Variants in KCNK12 observed in about 807,000 individuals in gnomAD.
KCNK12 encodes potassium two pore domain channel subfamily K member 12.
A neutral mutation model predicts 25.3 loss-of-function variants in KCNK12; 6 were observed. The observed-to-expected ratio is 0.24, with a 90% CI of 0.13 to 0.47. The LOEUF (loss-of-function observed/expected upper bound fraction) is 0.47. KCNK12 is among the 20% of genes least tolerant of loss of function. The pLI is 0.99. For missense variants in KCNK12, 444 were observed against 661.7 expected (o/e 0.67, Z 3.61); for synonymous variants, 331 against 311.1 (o/e 1.06, Z -0.67).
intron 1 of KCNK12, chr2:47,535,211 C>T (rs111869582): frequency 0.01 from 2,347 of 233,050 alleles, 54 homozygotes; most frequent in African/African-American, 0.048. Context: ...GCAAACAAAC[C>T]CACACCTTTC....
chr2:47,564,304 A>G, intron 1 of KCNK12: 1 of 229,982 alleles, frequency 4.3e-6, no homozygotes, highest in East Asian at 6.2e-5. Flanking sequence ...AAGCACCATG[A>G]AGACAGCAGT....
intron 1 of KCNK12, among the ~76,000 whole-genome samples, chr2:47,559,967 T>A (rs1669630253): frequency 6.6e-6 from 1 of 152,048 alleles, no homozygotes; most frequent in Admixed American, 6.6e-5. Context: ...AAGTTAAGGG[T>A]GGCTAGAGAA....
chr2:47,556,180 T>C lies in KCNK12; in HGVS notation c.391+13761A>G, dbSNP rs185476077. ...ATTAAGAAGGAAGAATATACATGTT[T>C]GCATACCGATGGAGTATAAATTAAC... On this transcript the variant is annotated intron_variant, in intron 1 of 1. Transcript: ENST00000327876. The surrounding 1 kb of genome is among the most constrained non-coding windows in gnomAD (Gnocchi z 4.8). 1.4e-4 allele frequency among the ~76,000 whole-genome samples: 22 copies of C among 152,234 alleles called. No homozygotes were observed. The Middle Eastern group carries it at 0.01, about 71-fold the overall frequency.
At position 47,529,646 on chromosome 2, in the gene KCNK12, C is replaced by T. The variant is rs1251095076; in HGVS notation, c.392-7838G>A. On this transcript the variant is annotated intron_variant, in intron 1 of 1. Coordinates refer to ENST00000327876, the MANE Select transcript of KCNK12 (RefSeq NM_022055.2). This position sits in a 1 kb window ranked among gnomAD's most constrained non-coding sequence, Gnocchi z 4.3. ...CAATCAGGATAATCCAGTTCCTTAC[C>T]ATGACTGGCTCAAGAATGGGTAGAC... Among the ~76,000 whole-genome samples, 1 of 152,190 alleles carries T rather than the reference C, an allele frequency of 6.6e-6. No homozygotes were observed. The highest frequency in any genetic ancestry group is 1.5e-5 in the Non-Finnish European group (1 of 68,042).
At position 47,560,447 on chromosome 2, in the gene KCNK12, A is replaced by G. The variant is rs1051794315; in HGVS notation, c.391+9494T>C. The stretch of plus-strand genomic sequence containing the variant: ...CCAAACTGTGCTTCAGCTCTCACTG[A>G]TGCCTCCTCATCCTCCTCCTCCACC... On this transcript the variant is annotated intron_variant, in intron 1 of 1. Transcript: ENST00000327876. The surrounding 1 kb of genome is among the most constrained non-coding windows in gnomAD (Gnocchi z 4.7). Among the ~76,000 whole-genome samples the G allele has an allele frequency of 1.3e-5, 2 of 152,120 alleles. No homozygotes were observed. The highest frequency in any genetic ancestry group is 4.8e-5 in the African/African-American group (2 of 41,402).
chr2:47,570,260 G>C lies in KCNK12; in HGVS notation c.72C>G (p.Cys24Trp). The C allele has an allele frequency of 7.0e-7, 1 of 1,436,560 alleles. No individual in the cohort carries two copies. 89.0% of individuals were successfully genotyped at this position (1,436,560 alleles called of 1,614,324 possible). Residue 24 changes from cysteine to tryptophan, a missense_variant, in exon 1 of 2, where the codon TGC (cysteine) becomes TGG (tryptophan). Physicochemically the swap from Cys to Trp is radical, Grantham distance 215 (BLOSUM62 -2). Around this residue, in one of 8 missense-constraint regions of KCNK12, gnomAD observed 67 missense variants for 59.2 expected, o/e 1.13. Transcript: ENST00000327876. ...TGAGGTGCGAACGGCGGCAGCAGCA[G>C]CAGCAGCAGGAGGGGCGCGGCAGGC... Reference protein sequence around the residue: ...RRRLPRPSCCCCCCRRSHLNE... With the variant: ...RRRLPRPSCCWCCCRRSHLNE...
At chr2:47,526,958 C>T (rs929015082) in intron 1 of KCNK12, among the ~76,000 whole-genome samples, 4 of 152,204 alleles carry the variant, frequency 2.6e-5, no homozygotes, top group African/African-American at 9.7e-5. Flanking sequence ...TGCATCATCG[C>T]ATGTCATCAT....
Position 47,514,564 on chromosome 2 carries a change from G to A in KCNK12, c.*6343C>T, listed in dbSNP as rs1465811245. ...ATGCAAGTCTCTTATCTGGGGGTCT[G>A]GCTTGGTAAATATAAAGTTCTTTTT... On this transcript the variant is annotated 3_prime_UTR_variant, in exon 2 of 2. Coordinates refer to ENST00000327876, the MANE Select transcript of KCNK12 (RefSeq NM_022055.2). The surrounding 1 kb of genome is among the most constrained non-coding windows in gnomAD (Gnocchi z 5.0). 6.6e-6 allele frequency among the ~76,000 whole-genome samples: 1 copy of A among 152,036 alleles called. No homozygotes were observed. The highest frequency in any genetic ancestry group is 2.4e-5 in the African/African-American group (1 of 41,406).
Position 47,569,908 on chromosome 2 carries a change from A to G in KCNK12, c.391+33T>C. 1 of 1,325,742 alleles carries G rather than the reference A, an allele frequency of 7.5e-7. No homozygotes were observed. The highest frequency in any genetic ancestry group is 2.0e-5 in the South Asian group (1 of 48,884). The allele number at this position is 1,325,742 out of a possible 1,614,324, so 82.1% of individuals were successfully genotyped here. ...AAAGGGCGGCAGGTGAAAGGCACAG[A>G]GAGGAAAGATGCGCGGGGGACGCGC... On this transcript the variant is annotated intron_variant, in intron 1 of 1. Transcript: ENST00000327876. This position sits in a 1 kb window ranked among gnomAD's most constrained non-coding sequence, Gnocchi z 4.1.
rs903472597 is a variant in KCNK12 at position 47,529,359 on chromosome 2, A to G, written c.392-7551T>C. Among the ~76,000 whole-genome samples the G allele has an allele frequency of 2.0e-5, 3 of 152,222 alleles. No homozygotes were observed. The highest frequency in any genetic ancestry group is 2.9e-5 in the Non-Finnish European group (2 of 68,034). ...CATTTTAACAAATGTCTCCAGATAA[A>G]TCTGATGTAAATGGAATATTCCTTT... is the stretch of plus-strand genomic sequence containing the variant. On this transcript the variant is annotated intron_variant, in intron 1 of 1. Transcript: ENST00000327876. The surrounding 1 kb of genome is among the most constrained non-coding windows in gnomAD (Gnocchi z 4.3).
rs990975621 is a variant in KCNK12 at position 47,570,421 on chromosome 2, C to T, written c.-90G>A. 6 of 1,191,494 alleles carry T rather than the reference C, an allele frequency of 5.0e-6. No homozygotes were observed. The highest frequency in any genetic ancestry group is 6.2e-6 in the Non-Finnish European group (6 of 961,084). 73.8% of individuals were successfully genotyped at this position (1,191,494 alleles called of 1,614,324 possible). On this transcript the variant is annotated 5_prime_UTR_variant, in exon 1 of 2. Coordinates refer to ENST00000327876, the MANE Select transcript of KCNK12 (RefSeq NM_022055.2). ...GGGAGCAGGAGCGTGAGGATGGTGGCCAGGGGTCCGGGGCCGCCGCGGAGC... is the reference window on the plus strand; with the variant it reads ...GGGAGCAGGAGCGTGAGGATGGTGGTCAGGGGTCCGGGGCCGCCGCGGAGC...
At chr2:47,558,575 G>A (rs1026095718) in intron 1 of KCNK12, among the ~76,000 whole-genome samples, 2 of 152,216 alleles carry the variant, frequency 1.3e-5, no homozygotes, top group Non-Finnish European at 2.9e-5. Context: ...CACCTGGGCT[G>A]TCCCTGCAGA....
intron 1 of KCNK12, chr2:47,563,940 G>A (rs1030067570): frequency 1.7e-5 from 4 of 231,978 alleles, no homozygotes; most frequent in African/African-American, 4.4e-5. Flanking sequence ...CCATTCCTGG[G>A]AGTCCAGGGG....
rs1335226450 is a variant in KCNK12, at chr2:47,548,081, G to A, written c.391+21860C>T. Among the ~76,000 whole-genome samples the A allele has an allele frequency of 6.6e-6, 1 of 152,128 alleles. No homozygotes were observed. Among genetic ancestry groups the A allele is most frequent in the African/African-American group, 2.4e-5 (1 of 41,420 alleles). ...TCCTCCTGCTCCAGCCATGAAGGAC[G>A]TGTCTGCTTCCTCTTTGCCTTCTGA... On this transcript the variant is annotated intron_variant, in intron 1 of 1. Transcript: ENST00000327876. This position sits in a 1 kb window ranked among gnomAD's most constrained non-coding sequence, Gnocchi z 4.4.
Position 47,511,900 on chromosome 2 carries a change from G to A in KCNK12, c.*9007C>T, listed in dbSNP as rs1322085257. On this transcript the variant is annotated 3_prime_UTR_variant, in exon 2 of 2. Transcript: ENST00000327876. This position sits in a 1 kb window ranked among gnomAD's most constrained non-coding sequence, Gnocchi z 4.3. Reference sequence around the variant, plus strand: ...TTGAAATGGGGTTAGTGCAATTGACGAGCTGAAAATGTAGTTTAAATTCAC... The same window carrying A: ...TTGAAATGGGGTTAGTGCAATTGACAAGCTGAAAATGTAGTTTAAATTCAC... Among the ~76,000 whole-genome samples the A allele has an allele frequency of 1.3e-5, 2 of 152,210 alleles. No individual in the cohort carries two copies. The highest frequency in any genetic ancestry group is 2.4e-5 in the African/African-American group (1 of 41,442).
At position 47,514,720 on chromosome 2, in the gene KCNK12, C is replaced by T. The variant is rs571636384; in HGVS notation, c.*6187G>A. 7.6e-4 allele frequency among the ~76,000 whole-genome samples: 116 copies of T among 152,028 alleles called. No individual in the cohort carries two copies. The highest frequency in any genetic ancestry group is 2.7e-3 in the African/African-American group (113 of 41,460). ...CGACTTCCTGGGCTCAGGCGATCCT[C>T]CCACCTCAGCCCCCTGAGTCTCTTG... is the stretch of plus-strand genomic sequence containing the variant. On this transcript the variant is annotated 3_prime_UTR_variant, in exon 2 of 2. Transcript: ENST00000327876. This position sits in a 1 kb window ranked among gnomAD's most constrained non-coding sequence, Gnocchi z 5.0.
At chr2:47,526,240 CAAA>C (rs57006185) in intron 1 of KCNK12, among the ~76,000 whole-genome samples, 4 of 127,472 alleles carry the variant, frequency 3.1e-5, no homozygotes, top group Non-Finnish European at 1.7e-5. Context: ...CCTAAAAATA[CAAA>C]AAAAAAAAAA....
In KCNK12 at chr2:47,569,752, A is replaced by G. The variant is rs1035885974; in HGVS notation, c.391+189T>C. ...CGCCAGAGGTGGGCTTTCTTCCCTC[A>G]CTGAAAGCCGGGAGGGAGAGAGAGA... On this transcript the variant is annotated intron_variant, in intron 1 of 1. Coordinates refer to ENST00000327876, the MANE Select transcript of KCNK12 (RefSeq NM_022055.2). The surrounding 1 kb of genome is among the most constrained non-coding windows in gnomAD (Gnocchi z 4.1). 2.7e-4 allele frequency among the ~76,000 whole-genome samples: 41 copies of G among 152,292 alleles called. No homozygotes were observed. The highest frequency in any genetic ancestry group is 8.5e-4 in the Admixed American group (13 of 15,304).
rs1668378447 is a variant in KCNK12, at chr2:47,510,647, G to C, written c.*10260C>G. Among the ~76,000 whole-genome samples the C allele has an allele frequency of 6.6e-6, 1 of 152,118 alleles. No homozygotes were observed. The highest frequency in any genetic ancestry group is 6.5e-5 in the Admixed American group (1 of 15,276). On this transcript the variant is annotated 3_prime_UTR_variant, in exon 2 of 2. Coordinates refer to ENST00000327876, the MANE Select transcript of KCNK12 (RefSeq NM_022055.2). ...TCTCGTCGTTTATCTCTATTCAGTG[G>C]AACACAGCAGCACTGTGACCTGCCC... is the stretch of plus-strand genomic sequence containing the variant.
Sources: gnomAD v4.1 joint callset for allele counts (sites outside exome capture counted in the v4.1 genomes callset) on GRCh38, gnomAD v4.1.1 for gene constraint, gnomAD v4.1.1 regional missense constraint, Gnocchi (gnomAD v3.1) non-coding constraint, MANE v1.5 for transcripts, NCBI Gene and HGNC (gene_info 2026-07-23, HGNC 2026-07-21) for gene names.